The following ZNF398 variants were observed in gnomAD, a reference collection of about 807,000 sequenced individuals.
ZNF398 encodes zinc finger DNA binding protein ZER6.
ZNF398 carries 18 observed loss-of-function variants against 41.9 expected under a neutral mutation model. The ratio of observed to expected loss-of-function variants is 0.43; its 90% CI spans 0.30 to 0.64. The LOEUF is 0.64. Among genes scored for constraint, ZNF398 ranks in the 30% least tolerant of loss-of-function variants. The pLI, the probability that ZNF398 is intolerant of heterozygous loss-of-function variation, is 0.14. For synonymous variants in ZNF398, 260 were observed against 308.8 expected (o/e 0.84, Z 1.66); for missense variants, 669 against 822.8 (o/e 0.81, Z 2.29).
At chr7:149,147,208 A>G (rs1458416771), upstream of ZNF398, 2 of 152,244 alleles carry the variant, frequency 1.3e-5, no homozygotes, top group Non-Finnish European at 2.9e-5. This position sits in a 1 kb window ranked among gnomAD's most constrained non-coding sequence, Gnocchi z 5.6. Flanking sequence ...ACTCCCCAGA[A>G]TGAGCCCGGC....
chr7:149,167,261 G>A (rs750755875), intron 4 of ZNF398, among the ~76,000 whole-genome samples: 3 of 152,176 alleles, frequency 2.0e-5, no homozygotes, highest in Non-Finnish European at 2.9e-5. Context: ...GCAAATATAA[G>A]CATGGCCCTT....
At chr7:149,173,133 C>T (rs989762831) in intron 4 of ZNF398, among the ~76,000 whole-genome samples, 3 of 117,842 alleles carry the variant, frequency 2.5e-5, no homozygotes, top group Admixed American at 1.2e-4. Context: ...GAGACAGAGT[C>T]CTGCTCTGTC....
chr7:149,144,958 T>C (rs901357698), upstream of ZNF398, among the ~76,000 whole-genome samples: 1 of 152,188 alleles, frequency 6.6e-6, no homozygotes, highest in Non-Finnish European at 1.5e-5. Context: ...TTCAGATTAT[T>C]ATTTTTTTGT....
chr7:149,156,527 A>G (rs1406637498), intron 2 of ZNF398, among the ~76,000 whole-genome samples: 1 of 148,988 alleles, frequency 6.7e-6, no homozygotes, highest in Non-Finnish European at 1.5e-5. Flanking sequence ...AAAAAAAAAA[A>G]GAGTTACTGA....
intron 2 of ZNF398, 112 bp downstream of exon 2, chr7:149,154,452 A>G: frequency 4.1e-6 from 5 of 1,230,244 alleles, no homozygotes; most frequent in Non-Finnish European, 5.5e-6. Context: ...TTCTTAAAAT[A>G]TCTCAGTCTG....
At chr7:149,132,286 C>T (rs1826612748) in intron 2 of ZNF398, among the ~76,000 whole-genome samples, 1 of 151,480 alleles carries the variant, frequency 6.6e-6, no homozygotes, top group Non-Finnish European at 1.5e-5. Context: ...CCTCCACCTC[C>T]CAGGTTCAAC....
intron 4 of ZNF398, 48 bp downstream of exon 4, chr7:149,166,978 G>A (rs1795238413): frequency 9.3e-6 from 13 of 1,399,782 alleles, no homozygotes; most frequent in Non-Finnish European, 1.2e-5. Context: ...TTCCTGGTCA[G>A]ACATGGTGGC....
chr7:149,161,489 C>T (rs189607556), intron 2 of ZNF398, among the ~76,000 whole-genome samples: 70 of 152,316 alleles, frequency 4.6e-4, no homozygotes, highest in African/African-American at 1.6e-3. Flanking sequence ...GACCTGAGCT[C>T]AGGAGGTCGA....
chr7:149,142,992 G>A (rs916042123), upstream of ZNF398, among the ~76,000 whole-genome samples: 1 of 152,090 alleles, frequency 6.6e-6, no homozygotes, highest in Non-Finnish European at 1.5e-5. Flanking sequence ...TTTATTGATC[G>A]ATGATTGATT....
In ZNF398 at chr7:149,147,460, C is replaced by T. The variant is rs1826976181; in HGVS notation, c.-283C>T. On this transcript the variant is annotated 5_prime_UTR_variant, in exon 1 of 6. Coordinates refer to ENST00000475153, the MANE Select transcript of ZNF398 (RefSeq NM_170686.3). The surrounding 1 kb of genome is among the most constrained non-coding windows in gnomAD (Gnocchi z 5.6). ...GCCCGCGCGGTTCCCGGTGCACTCG[C>T]TGCCCACAAAGCGCCAGCTGAGGGG... is the stretch of plus-strand genomic sequence containing the variant. The T allele has an allele frequency of 3.9e-6, 1 of 254,770 alleles. No homozygotes were observed. The allele number at this position is 254,770 out of a possible 1,614,324, so 15.8% of individuals were successfully genotyped here.
rs181189181 is a variant in ZNF398 at position 149,166,775 on chromosome 7, T to G, written c.548-42T>G. 19 of 1,430,942 alleles carry G rather than the reference T, an allele frequency of 1.3e-5. No homozygotes were observed. The East Asian group carries it at 2.8e-4, about 21-fold the overall frequency. 88.6% of individuals were successfully genotyped at this position (1,430,942 alleles called of 1,614,324 possible). On this transcript the variant is annotated intron_variant, in intron 3 of 5. Coordinates refer to ENST00000475153, the MANE Select transcript of ZNF398 (RefSeq NM_170686.3). ...GATGGCAATTAGTTGTCATCCTCAT[T>G]TATCTCTTTGTAATACTCTCTCTTC... is the stretch of plus-strand genomic sequence containing the variant.
chr7:149,177,129 A>G (rs773020863), intron 5 of ZNF398, among the ~76,000 whole-genome samples: 8 of 151,542 alleles, frequency 5.3e-5, no homozygotes, highest in Non-Finnish European at 1.0e-4. Context: ...TTTTTTTTTT[A>G]GTATTTTCTG....
rs777320785 is a variant in ZNF398, at chr7:149,153,990, C to G, written c.70C>G (p.Pro24Ala). 3 of 1,613,930 alleles carry G rather than the reference C, an allele frequency of 1.9e-6. No homozygotes were observed. The highest frequency in any genetic ancestry group is 2.2e-5 in the East Asian group (1 of 44,892). The change falls in exon 2 of 6, where the codon CCT (proline) becomes GCT (alanine). Residue 24 changes from proline to alanine, a missense_variant. Pro to Ala is a conservative substitution (Grantham distance 27). Coordinates refer to ENST00000475153, the MANE Select transcript of ZNF398 (RefSeq NM_170686.3). ...SECLTSLQPL[P>A]LPTPPAANEA... ...GTGCCTTACATCCCTGCAGCCCCTT[C>G]CTCTTCCTACACCCCCAGCAGCAAA...
intron 2 of ZNF398, among the ~76,000 whole-genome samples, chr7:149,134,212 C>G (rs1283783514): frequency 6.6e-6 from 1 of 150,948 alleles, no homozygotes; most frequent in Non-Finnish European, 1.5e-5. Flanking sequence ...TTACAGGCAC[C>G]CGCCACCACG....
chr7:149,155,707 A>ATATATATTTTTTTTTTT (rs1794954712), intron 2 of ZNF398, among the ~76,000 whole-genome samples: 1 of 73,578 alleles, frequency 1.4e-5, no homozygotes, highest in Non-Finnish European at 2.4e-5. Flanking sequence ...ATATATATAT[A>ATATATATTTTTTTTTTT]TTTTTTTTTT....
At chr7:149,135,487 T>C (rs1349359458) in intron 2 of ZNF398, among the ~76,000 whole-genome samples, 1 of 150,872 alleles carries the variant, frequency 6.6e-6, no homozygotes, top group East Asian at 1.9e-4. Context: ...AAGAATGATA[T>C]AGTGGACTAT....
chr7:149,126,538 T>G, exon 1 of ZNF398: 1 of 466,696 alleles, frequency 2.1e-6, no homozygotes, highest in Non-Finnish European at 3.8e-6. Context: ...ATGAGGGAGC[T>G]GACGGGAGGG....
intron 3 of ZNF398, 140 bp downstream of exon 3, chr7:149,166,424 A>G: frequency 7.1e-6 from 7 of 992,548 alleles, no homozygotes; most frequent in Non-Finnish European, 1.1e-5. Context: ...AATATGACCA[A>G]TTAATGCTTG....
chr7:149,133,652 T>A (rs1412966691), intron 2 of ZNF398, among the ~76,000 whole-genome samples: 4 of 33,274 alleles, frequency 1.2e-4, no homozygotes, highest in Non-Finnish European at 2.1e-4. Context: ...TTGTGTTTTT[T>A]AAATATATAT....
Sources: allele counts gnomAD v4.1 joint callset (sites outside exome capture counted in the v4.1 genomes callset), GRCh38; gene constraint gnomAD v4.1.1; non-coding constraint Gnocchi (gnomAD v3.1); transcripts MANE v1.5; gene names NCBI Gene and HGNC (gene_info 2026-07-23, HGNC 2026-07-21).